ST14: variants seen among roughly 807,000 people sequenced by gnomAD.
ST14 encodes suppressor of tumorigenicity 14 protein.
ST14 carries 40 observed loss-of-function variants against 96.5 expected under a neutral mutation model. The ratio of observed to expected loss-of-function variants is 0.41; its 90% CI spans 0.32 to 0.54. ST14 has a LOEUF of 0.54. Ranked by LOEUF, ST14 falls within the 20% of genes least tolerant of loss-of-function variation. ST14 has a pLI of 0.17. For synonymous variants in ST14, 506 were observed against 492.1 expected (o/e 1.03, Z -0.37); for missense variants, 1,066 against 1,188.9 (o/e 0.90, Z 1.52).
chr11:130,164,792 CA>C, intron 1 of ST14, among the ~76,000 whole-genome samples: 1 of 151,242 alleles, frequency 6.6e-6, no homozygotes, highest in Non-Finnish European at 1.5e-5. Flanking sequence ...AGCTGGAGTG[CA>C]ATGGTGTGAT....
intron 1 of ST14, among the ~76,000 whole-genome samples, chr11:130,169,888 G>T (rs540188522): frequency 6.6e-6 from 1 of 152,214 alleles, no homozygotes; most frequent in African/African-American, 2.4e-5. Flanking sequence ...TCTCTTGTCG[G>T]GTTTTGGGGG....
chr11:130,199,801 G>T, intron 15 of ST14, 150 bp from the exon 16 acceptor site: 1 of 839,504 alleles, frequency 1.2e-6, no homozygotes, highest in East Asian at 2.5e-5. Flanking sequence ...AGTTTTGGGG[G>T]TCCCTCACGC....
At chr11:130,196,734 G>A (rs770033545) in intron 11 of ST14, 34 bp downstream of exon 11, 2 of 1,614,102 alleles carry the variant, frequency 1.2e-6, no homozygotes, top group South Asian at 2.2e-5. Flanking sequence ...GGGCTGGCGG[G>A]GGCCTGCACC....
At chr11:130,201,877 C>A (rs1953432479) in intron 16 of ST14, among the ~76,000 whole-genome samples, 1 of 152,230 alleles carries the variant, frequency 6.6e-6, no homozygotes, top group Admixed American at 6.5e-5. Flanking sequence ...CATGCCTGGC[C>A]CAACCACTTC....
At chr11:130,208,707 G>T in intron 17 of ST14, 23 bp downstream of exon 17, 1 of 1,605,964 alleles carries the variant, frequency 6.2e-7, no homozygotes, top group East Asian at 2.2e-5. Flanking sequence ...CTGACCTAGG[G>T]CTCCGCAGAG....
intron 7 of ST14, among the ~76,000 whole-genome samples, chr11:130,191,475 C>T (rs860841): frequency 0.14 from 21,009 of 151,784 alleles, 1,746 homozygotes; most frequent in Non-Finnish European, 0.18. Flanking sequence ...GGATCACTTG[C>T]GGTCAGGAGT....
At chr11:130,169,837 G>A (rs1177366917) in intron 1 of ST14, among the ~76,000 whole-genome samples, 4 of 152,152 alleles carry the variant, frequency 2.6e-5, no homozygotes, top group African/African-American at 7.2e-5. Flanking sequence ...TCAAGAAAAC[G>A]AATGAAAAGA....
intron 16 of ST14, among the ~76,000 whole-genome samples, chr11:130,204,440 C>T (rs1220547164): frequency 2.6e-5 from 4 of 152,258 alleles, no homozygotes; most frequent in South Asian, 2.1e-4. Context: ...TACAGTGAAG[C>T]GAGATTGGGC....
intron 1 of ST14, among the ~76,000 whole-genome samples, chr11:130,184,835 C>T (rs1385009326): frequency 2.6e-5 from 4 of 152,166 alleles, no homozygotes; most frequent in African/African-American, 9.7e-5. Flanking sequence ...CCTACGTGTT[C>T]CTGAATGCTA....
At chr11:130,202,275 G>T (rs1440893384) in intron 16 of ST14, among the ~76,000 whole-genome samples, 2 of 152,160 alleles carry the variant, frequency 1.3e-5, no homozygotes, top group Non-Finnish European at 2.9e-5. Flanking sequence ...AACGAGTAGT[G>T]CAATTAATCT....
intron 11 of ST14, among the ~76,000 whole-genome samples, chr11:130,197,587 C>T (rs1311714802): frequency 5.3e-5 from 8 of 152,200 alleles, no homozygotes; most frequent in Non-Finnish European, 1.0e-4. Flanking sequence ...TCCTGGGCTT[C>T]GATCCTCAGT....
chr11:130,209,623 CGGGACTG>C, intron 18 of ST14, 32 bp from the exon 19 acceptor site: 1 of 1,586,636 alleles, frequency 6.3e-7, no homozygotes, highest in Non-Finnish European at 8.6e-7. Flanking sequence ...CCGGGAGAGG[CGGGACTG>C]GGGACTCACG....
chr11:130,175,537 G>T (rs1034635060), intron 1 of ST14, among the ~76,000 whole-genome samples: 1 of 139,760 alleles, frequency 7.2e-6, no homozygotes, highest in African/African-American at 2.7e-5. Context: ...GTGCCACCAT[G>T]CCCGGCTAAT....
At chr11:130,208,894 C>T (rs566855357) in intron 17 of ST14, among the ~76,000 whole-genome samples, 7 of 152,254 alleles carry the variant, frequency 4.6e-5, no homozygotes, top group East Asian at 3.9e-4. Context: ...TGGCTTTGCC[C>T]CTAACTAGCT....
At chr11:130,166,355 G>A (rs1475530039) in intron 1 of ST14, among the ~76,000 whole-genome samples, 1 of 152,188 alleles carries the variant, frequency 6.6e-6, no homozygotes, top group African/African-American at 2.4e-5. Flanking sequence ...TCTGCTGGGT[G>A]TGGAGCCCTG....
At chr11:130,204,598 G>T (rs1242314731) in intron 16 of ST14, among the ~76,000 whole-genome samples, 1 of 152,132 alleles carries the variant, frequency 6.6e-6, no homozygotes, top group Non-Finnish European at 1.5e-5. Flanking sequence ...GATCACCTGA[G>T]GTCAGGAGTT....
chr11:130,175,728 A>T (rs1034928536), intron 1 of ST14, among the ~76,000 whole-genome samples: 2 of 149,192 alleles, frequency 1.3e-5, no homozygotes, highest in Non-Finnish European at 3.0e-5. Context: ...CAATGGTGCG[A>T]TCTCGGCTCA....
intron 16 of ST14, among the ~76,000 whole-genome samples, chr11:130,200,751 C>T (rs1405333642): frequency 1.3e-5 from 2 of 152,176 alleles, no homozygotes; most frequent in Admixed American, 1.3e-4. Flanking sequence ...TCCTAAAACC[C>T]CCTAGCAAGT....
chr11:130,174,297 A>G (rs1953117493), intron 1 of ST14, among the ~76,000 whole-genome samples: 1 of 152,200 alleles, frequency 6.6e-6, no homozygotes, highest in South Asian at 2.1e-4. Context: ...TCTTTGTGCC[A>G]TGTAGGTGTC....
Sources: gnomAD v4.1 joint callset for allele counts (sites outside exome capture counted in the v4.1 genomes callset) on GRCh38, gnomAD v4.1.1 for gene constraint, MANE v1.5 for transcripts, NCBI Gene and HGNC (gene_info 2026-07-23, HGNC 2026-07-21) for gene names.